The following NCK1 variants were observed in gnomAD, a reference collection of about 807,000 sequenced individuals.
The protein encoded by NCK1 is NCK adaptor protein 1.
Under a neutral mutation model 36.6 loss-of-function variants are expected in NCK1, and 19 were observed. The observed-to-expected ratio is 0.52, with a 90% CI of 0.36 to 0.76. The LOEUF is 0.76. NCK1 is among the 30% of genes least tolerant of loss of function. NCK1 has a pLI of 0.00. For missense variants in NCK1, 358 were observed against 445.6 expected (o/e 0.80, Z 1.77); for synonymous variants, 165 against 156.0 (o/e 1.06, Z -0.43).
At chr3:136,898,480 A>G (rs1164657777) in intron 1 of NCK1, among the ~76,000 whole-genome samples, 1 of 152,068 alleles carries the variant, frequency 6.6e-6, no homozygotes, top group African/African-American at 2.4e-5. Flanking sequence ...CAATGAAGAT[A>G]TCACTAAATG....
chr3:136,880,215 G>A (rs1938891321), intron 1 of NCK1, among the ~76,000 whole-genome samples: 1 of 151,848 alleles, frequency 6.6e-6, no homozygotes, highest in South Asian at 2.1e-4. Flanking sequence ...AACCCGGGAG[G>A]TGGAGCTTGC....
intron 1 of NCK1, among the ~76,000 whole-genome samples, chr3:136,882,811 T>C (rs1314411282): frequency 1.3e-5 from 2 of 152,202 alleles, no homozygotes; most frequent in Admixed American, 1.3e-4. Context: ...CAGGGGTGGC[T>C]GGGAAGTGTA....
At chr3:136,922,909 C>CA (rs1231041802) in intron 1 of NCK1, among the ~76,000 whole-genome samples, 1 of 152,124 alleles carries the variant, frequency 6.6e-6, no homozygotes, top group Admixed American at 6.5e-5. Flanking sequence ...CAGAAAATTA[C>CA]AAACAACCCA....
intron 1 of NCK1, 94 bp from the exon 2 acceptor site, chr3:136,927,887 CTTT>C: frequency 1.1e-6 from 1 of 880,720 alleles, no homozygotes; most frequent in South Asian, 1.7e-5. Flanking sequence ...TACTTTTCAT[CTTT>C]ATGTCTTTAG....
chr3:136,887,258 C>G (rs1476238205), intron 1 of NCK1, among the ~76,000 whole-genome samples: 1 of 152,296 alleles, frequency 6.6e-6, no homozygotes, highest in African/African-American at 2.4e-5. Flanking sequence ...GCCTCCAACT[C>G]TTGGCCTCAA....
chr3:136,889,456 G>C (rs1356367845), intron 1 of NCK1, among the ~76,000 whole-genome samples: 1 of 152,074 alleles, frequency 6.6e-6, no homozygotes, highest in Non-Finnish European at 1.5e-5. Context: ...GCTCATAAAG[G>C]CAGTGTGGAC....
chr3:136,875,209 A>T (rs906908170), intron 1 of NCK1, among the ~76,000 whole-genome samples: 9 of 152,014 alleles, frequency 5.9e-5, no homozygotes, highest in Admixed American at 6.6e-5. Flanking sequence ...AATGCTTGTG[A>T]TTTTTGCCCA....
rs1023285580 is a variant in NCK1, at chr3:136,951,396, A to G, written c.*2943A>G. ...TTCAACCCACACAGTGCTTTAAAAA[A>G]TTAATTGCCAACATTTAAAAATCAG... On this transcript the variant is annotated 3_prime_UTR_variant, in exon 4 of 4. Coordinates refer to ENST00000481752, the MANE Select transcript of NCK1 (RefSeq NM_001291999.2). 6.6e-6 allele frequency among the ~76,000 whole-genome samples: 1 copy of G among 152,224 alleles called. No homozygotes were observed. The highest frequency in any genetic ancestry group is 1.5e-5 in the Non-Finnish European group (1 of 68,026).
chr3:136,862,396 T>A (rs1414535987), intron 1 of NCK1, 43 bp downstream of exon 1: 1 of 152,532 alleles, frequency 6.6e-6, no homozygotes, highest in Non-Finnish European at 1.5e-5. Flanking sequence ...CACACCCCCC[T>A]TCAGTCCGCT....
intron 1 of NCK1, among the ~76,000 whole-genome samples, chr3:136,879,761 C>T (rs564775781): frequency 1.4e-4 from 22 of 151,878 alleles, no homozygotes; most frequent in Non-Finnish European, 2.5e-4. Context: ...ATCACAAGGA[C>T]GGAAAACCAA....
intron 1 of NCK1, among the ~76,000 whole-genome samples, chr3:136,918,470 A>C (rs946697292): frequency 6.6e-6 from 1 of 152,248 alleles, no homozygotes; most frequent in Non-Finnish European, 1.5e-5. Context: ...GAGGTTGTGC[A>C]TAGGTTATGT....
chr3:136,922,007 T>TTTCCTGACCTCGTGATCTGCC (rs1368894397), intron 1 of NCK1, among the ~76,000 whole-genome samples: 3 of 152,132 alleles, frequency 2.0e-5, no homozygotes, highest in African/African-American at 7.2e-5. Flanking sequence ...ATGGTCTTAG[T>TTTCCTGACCTCGTGATCTGCC]TTCCTGACCT....
chr3:136,902,711 C>A (rs1437492473), intron 1 of NCK1, among the ~76,000 whole-genome samples: 2 of 149,848 alleles, frequency 1.3e-5, no homozygotes, highest in Non-Finnish European at 3.0e-5. Flanking sequence ...CCTAACCAGA[C>A]CAATCAGGCA....
intron 1 of NCK1, among the ~76,000 whole-genome samples, chr3:136,916,217 G>A (rs1464104812): frequency 2.0e-5 from 3 of 152,118 alleles, no homozygotes; most frequent in Non-Finnish European, 4.4e-5. Context: ...AGGGCTAAGT[G>A]GTAGAGTCCT....
In NCK1 at chr3:136,935,871, A is replaced by G. The variant is rs552669451; in HGVS notation, c.226+7644A>G. 1.8e-4 allele frequency among the ~76,000 whole-genome samples: 27 copies of G among 152,186 alleles called. No homozygotes were observed. In the South Asian group the frequency reaches 3.9e-3, roughly 22 times the overall value. ...CTCAATCAGTCCCTGGCAATTACTA[A>G]TCTGCTTTCTGTCTCTATGGATTTA... On this transcript the variant is annotated intron_variant, in intron 2 of 3. Transcript: ENST00000481752.
At chr3:136,948,222 A>G in intron 3 of NCK1, 37 bp from the exon 4 acceptor site, 1 of 1,492,266 alleles carries the variant, frequency 6.7e-7, no homozygotes, top group Non-Finnish European at 9.0e-7. Context: ...AGGGCTTTCA[A>G]AATGTTTACT....
At chr3:136,863,867 T>A (rs956138202) in intron 1 of NCK1, among the ~76,000 whole-genome samples, 1 of 150,024 alleles carries the variant, frequency 6.7e-6, no homozygotes, top group Admixed American at 6.6e-5. Context: ...TTTGGGAGGC[T>A]GAGGCGGGCG....
intron 1 of NCK1, among the ~76,000 whole-genome samples, chr3:136,868,004 G>A (rs1189914521): frequency 6.6e-6 from 1 of 151,660 alleles, no homozygotes; most frequent in Non-Finnish European, 1.5e-5. Context: ...TGCAACCTCC[G>A]CCTCTCGGGT....
rs554643116 is a variant in NCK1, at chr3:136,912,611, T to G, written c.-18-15373T>G. Among the ~76,000 whole-genome samples the G allele has an allele frequency of 7.2e-5, 11 of 152,020 alleles. No individual in the cohort carries two copies. In the South Asian group the frequency reaches 1.0e-3, roughly 14 times the overall value. ...CATTTTAGTTATTGCCCTCAGGAGC[T>G]CCACAGTTTGTTTTTAGTTTCCTTT... On this transcript the variant is annotated intron_variant, in intron 1 of 3. Coordinates refer to ENST00000481752, the MANE Select transcript of NCK1 (RefSeq NM_001291999.2).
Sources: allele counts gnomAD v4.1 joint callset (sites outside exome capture counted in the v4.1 genomes callset), GRCh38; gene constraint gnomAD v4.1.1; transcripts MANE v1.5; gene names NCBI Gene and HGNC (gene_info 2026-07-23, HGNC 2026-07-21).